RBM6: variants seen among roughly 807,000 people sequenced by gnomAD.
RBM6 encodes RNA binding motif protein 6, also known as RNA-binding protein 6.
In RBM6, 23 loss-of-function variants were observed where a neutral mutation model predicts 140.4. The observed-to-expected ratio is 0.16, with a 90% CI of 0.12 to 0.23. The LOEUF is 0.23. RBM6 is among the 10% of genes least tolerant of loss of function. RBM6 has a pLI of 1.00. For missense variants in RBM6, 1,139 were observed against 1,386.7 expected, an observed-to-expected ratio of 0.82 and a Z score of 2.84; for synonymous variants, 439 against 475.6, an observed-to-expected ratio of 0.92 and a Z score of 1.00.
In RBM6 at chr3:50,065,098, C is replaced by T. The variant is rs757748130; in HGVS notation, c.2654C>T (p.Thr885Ile). The part of the protein sequence containing the change: ...EDVFKKPLPP[T>I]VKKEESPPPP... ...GTCTTTAAGAAGCCCCTGCCTCCTA[C>T]TGTGAAGAAGGAAGAGAGTCCCCCT... The change falls in exon 16 of 21, where the codon ACT becomes ATT. Residue 885 changes from threonine (T) to isoleucine (I), a missense_variant. Thr to Ile is a moderately conservative substitution (Grantham distance 89). This residue lies in a region of RBM6 where 163 missense variants were observed against 182.8 expected (regional missense o/e 0.89). Transcript: ENST00000266022. 6 of 1,613,502 alleles carry T rather than the reference C, an allele frequency of 3.7e-6. No homozygotes were observed. The highest frequency in any genetic ancestry group is 3.3e-5 in the Admixed American group (2 of 60,000).
intron 2 of RBM6, among the ~76,000 whole-genome samples, chr3:49,963,974 C>T (rs2084398618): frequency 6.6e-6 from 1 of 152,090 alleles, no homozygotes; most frequent in Non-Finnish European, 1.5e-5. Flanking sequence ...GATCTCAGCT[C>T]ACTGCAGCCT....
rs148972237 is a variant in RBM6, at chr3:49,990,282, C to T, written c.1484-9158C>T. ...CTATATTGTATAGCCTGTTACTCTT[C>T]GGCCACAAAACTGTACAGTGTGTTA... On this transcript the variant is annotated intron_variant, in intron 5 of 20. Transcript: ENST00000266022. Among the ~76,000 whole-genome samples, 455 of 152,252 alleles carry T rather than the reference C, an allele frequency of 3.0e-3. 6 individuals are homozygous for T. Among genetic ancestry groups the T allele is most frequent in the East Asian group, 0.014 (75 of 5,186 alleles).
chr3:49,974,732 G>A (rs1319005337), intron 4 of RBM6, among the ~76,000 whole-genome samples: 5 of 137,538 alleles, frequency 3.6e-5, no homozygotes, highest in Non-Finnish European at 6.0e-5. Flanking sequence ...TGTTGCCCAG[G>A]CTGGAGTGCA....
chr3:49,964,003 T>C (rs985066317), intron 2 of RBM6, among the ~76,000 whole-genome samples: 1 of 152,082 alleles, frequency 6.6e-6, no homozygotes, highest in Non-Finnish European at 1.5e-5. Context: ...TAGGTTCAAG[T>C]GATTCTCCTC....
chr3:50,056,383 C>T (rs1302856476), intron 8 of RBM6, among the ~76,000 whole-genome samples: 1 of 152,034 alleles, frequency 6.6e-6, no homozygotes, highest in Non-Finnish European at 1.5e-5. Context: ...CAAGCTCTGC[C>T]TCCCAGGTTC....
At chr3:49,979,211 T>A (rs2085192593) in intron 5 of RBM6, among the ~76,000 whole-genome samples, 1 of 152,072 alleles carries the variant, frequency 6.6e-6, no homozygotes, top group African/African-American at 2.4e-5. Context: ...ATATGAAATA[T>A]CTAGAGAAGG....
rs373901029 is a variant in RBM6, at chr3:50,077,018, G to A, written c.3257G>A (p.Arg1086Gln). The A allele has an allele frequency of 2.1e-5, 34 of 1,610,402 alleles. No individual in the cohort carries two copies. The South Asian group carries it at 3.0e-4, about 14-fold the overall frequency. ...GLASSEEAEG[R>Q]MRGPSVGASG... Reference sequence around the variant, plus strand: ...GTCTTTGTTTTACAGGCTGAAGGCCGGATGAGGGGCCCCAGTGTTGGAGCC... The same window carrying A: ...GTCTTTGTTTTACAGGCTGAAGGCCAGATGAGGGGCCCCAGTGTTGGAGCC... Residue 1086 changes from arginine to glutamine, a missense_variant, in exon 21 of 21, where the codon CGG becomes CAG. Around this residue, in one of 9 missense-constraint regions of RBM6, gnomAD observed 125 missense variants for 142.0 expected, o/e 0.88. Transcript: ENST00000266022.
chr3:49,961,165 C>A (rs1268788819), intron 1 of RBM6, among the ~76,000 whole-genome samples: 6 of 152,052 alleles, frequency 3.9e-5, no homozygotes, highest in Non-Finnish European at 8.8e-5. Flanking sequence ...GTAGCCTCCG[C>A]CTCCCGGTTT....
chr3:50,026,094 T>C (rs904601782), intron 6 of RBM6, among the ~76,000 whole-genome samples: 2 of 151,784 alleles, frequency 1.3e-5, no homozygotes, highest in Admixed American at 6.6e-5. Context: ...TTTTTTTTTT[T>C]CTTTTTTTTT....
chr3:50,016,969 G>A (rs1156928981), intron 6 of RBM6, among the ~76,000 whole-genome samples: 1 of 151,968 alleles, frequency 6.6e-6, no homozygotes, highest in Admixed American at 6.6e-5. Context: ...GAGATTACAG[G>A]CATGTGCCAC....
At position 49,940,537 on chromosome 3, in the gene RBM6, A is replaced by G. The variant is rs143845105; in HGVS notation, c.-67+312A>G. The G allele has an allele frequency of 7.7e-3, 1,201 of 155,162 alleles. 9 individuals carry two copies. Among genetic ancestry groups the G allele is most frequent in the Non-Finnish European group, 0.012 (844 of 68,354 alleles). The allele number at this position is 155,162 out of a possible 1,614,324, so 9.6% of individuals were successfully genotyped here. On this transcript the variant is annotated intron_variant, in intron 1 of 20. Coordinates refer to ENST00000266022, the MANE Select transcript of RBM6 (RefSeq NM_005777.3). ...CGCGTGGTTGCGGCTCTGTGCTCCT[A>G]CTCTTCGGAGCTGTAAGCGGGCTGT...
At position 50,016,996 on chromosome 3, in the gene RBM6, T is replaced by C. The variant is rs376287825; in HGVS notation, c.1557+17483T>C. 7.9e-5 allele frequency among the ~76,000 whole-genome samples: 12 copies of C among 152,196 alleles called. No individual in the cohort carries two copies. The East Asian group carries it at 2.1e-3, about 27-fold the overall frequency. Reference sequence around the variant, plus strand: ...ATGTGCCACCACACCCAGTTAACTTTTGTATTTTTAGTAGAGATGAGGTTT... The same window carrying C: ...ATGTGCCACCACACCCAGTTAACTTCTGTATTTTTAGTAGAGATGAGGTTT... On this transcript the variant is annotated intron_variant, in intron 6 of 20. Coordinates refer to ENST00000266022, the MANE Select transcript of RBM6 (RefSeq NM_005777.3).
chr3:49,970,450 A>C (rs1171057169), intron 3 of RBM6, among the ~76,000 whole-genome samples: 1 of 152,058 alleles, frequency 6.6e-6, no homozygotes, highest in Non-Finnish European at 1.5e-5. Context: ...ATTTAGTTTG[A>C]AAGTATATGT....
At chr3:50,031,497 C>T (rs1431869866) in intron 6 of RBM6, among the ~76,000 whole-genome samples, 1 of 151,566 alleles carries the variant, frequency 6.6e-6, no homozygotes, top group Non-Finnish European at 1.5e-5. Flanking sequence ...AACCGGACAC[C>T]ACATGTTCTC....
intron 6 of RBM6, among the ~76,000 whole-genome samples, chr3:50,000,570 G>A (rs1162424131): frequency 6.6e-6 from 1 of 151,700 alleles, no homozygotes; most frequent in East Asian, 1.9e-4. Flanking sequence ...ACAGGCATGC[G>A]CCACCACGCC....
intron 6 of RBM6, among the ~76,000 whole-genome samples, chr3:50,040,509 C>T (rs1002173325): frequency 7.1e-6 from 1 of 141,548 alleles, no homozygotes; most frequent in Non-Finnish European, 1.5e-5. Context: ...CACACACACA[C>T]ACACACACGT....
chr3:49,966,485 TG>T (rs749408796), intron 2 of RBM6, among the ~76,000 whole-genome samples: 5 of 152,198 alleles, frequency 3.3e-5, no homozygotes, highest in Non-Finnish European at 7.3e-5. Flanking sequence ...GGGAAGAAGT[TG>T]GGTAGTATGA....
chr3:50,062,785 C>CT (rs1171636496), intron 15 of RBM6, among the ~76,000 whole-genome samples: 4 of 151,994 alleles, frequency 2.6e-5, no homozygotes, highest in South Asian at 4.1e-4. Context: ...TCTATATACT[C>CT]TATTATTTTT....
intron 6 of RBM6, among the ~76,000 whole-genome samples, chr3:50,016,968 G>T (rs1407355858): frequency 1.3e-5 from 2 of 151,864 alleles, no homozygotes. Context: ...TGAGATTACA[G>T]GCATGTGCCA....
Sources: gnomAD v4.1 joint callset for allele counts (sites outside exome capture counted in the v4.1 genomes callset) on GRCh38, gnomAD v4.1.1 for gene constraint, gnomAD v4.1.1 regional missense constraint, MANE v1.5 for transcripts, NCBI Gene and HGNC (gene_info 2026-07-23, HGNC 2026-07-21) for gene names.